ABTB3: variants seen among roughly 807,000 people sequenced by gnomAD.
ABTB3 encodes ankyrin repeat- and BTB/POZ domain-containing protein 3.
chr12:107,454,044 T>C, the ABTB3 span, among the ~76,000 whole-genome samples: 1 of 152,206 alleles, frequency 6.6e-6, no homozygotes, highest in Non-Finnish European at 1.5e-5. Flanking sequence ...TCTGCAAAAG[T>C]CTTGAAGGTG....
the ABTB3 span, among the ~76,000 whole-genome samples, chr12:107,418,129 G>C: frequency 6.6e-6 from 1 of 152,226 alleles, no homozygotes; most frequent in South Asian, 2.1e-4. Context: ...GGCTGGGAAA[G>C]GCAGACCCAC....
At chr12:107,527,447 T>C in the ABTB3 span, among the ~76,000 whole-genome samples, 1 of 152,186 alleles carries the variant, frequency 6.6e-6, no homozygotes, top group Non-Finnish European at 1.5e-5. Flanking sequence ...AATTTTTGTA[T>C]TTTTAGTAGA....
At chr12:107,486,137 T>C in the ABTB3 span, among the ~76,000 whole-genome samples, 1 of 152,162 alleles carries the variant, frequency 6.6e-6, no homozygotes, top group Admixed American at 6.5e-5. Flanking sequence ...GTTTGGGTCA[T>C]GGGGGCAGAT....
At chr12:107,426,441 T>C in the ABTB3 span, among the ~76,000 whole-genome samples, 1 of 152,124 alleles carries the variant, frequency 6.6e-6, no homozygotes, top group African/African-American at 2.4e-5. Context: ...TGGAGTGGGC[T>C]CCCTGGCTGC....
chr12:107,402,931 C>A, the ABTB3 span, among the ~76,000 whole-genome samples: 3 of 152,316 alleles, frequency 2.0e-5, no homozygotes, highest in South Asian at 4.1e-4. Context: ...CTTGTCCCCC[C>A]ACCCACCCCC....
chr12:107,407,186 T>C, the ABTB3 span, among the ~76,000 whole-genome samples: 1 of 152,196 alleles, frequency 6.6e-6, no homozygotes, highest in Non-Finnish European at 1.5e-5. Context: ...GGGCATAAAA[T>C]AGTCCCCAGC....
the ABTB3 span, among the ~76,000 whole-genome samples, chr12:107,469,870 C>CTTTCT: frequency 1.2e-5 from 1 of 80,258 alleles, no homozygotes; most frequent in Non-Finnish European, 2.5e-5. Context: ...TCTTTCTTTT[C>CTTTCT]TTTCTTTCTT....
the ABTB3 span, among the ~76,000 whole-genome samples, chr12:107,552,734 C>T: frequency 1.1e-4 from 16 of 152,296 alleles, no homozygotes; most frequent in Admixed American, 4.6e-4. Context: ...GCAGTGCCTC[C>T]GTGCCTTTAC....
At chr12:107,347,957 C>T in the ABTB3 span, among the ~76,000 whole-genome samples, 1 of 152,102 alleles carries the variant, frequency 6.6e-6, no homozygotes, top group East Asian at 1.9e-4. Flanking sequence ...GATGGAGGAA[C>T]AGGCTTGCCA....
the ABTB3 span, among the ~76,000 whole-genome samples, chr12:107,462,896 G>T: frequency 6.6e-6 from 1 of 151,646 alleles, no homozygotes; most frequent in Admixed American, 6.6e-5. Context: ...TGATGGTGGT[G>T]ATAGTAACAA....
the ABTB3 span, among the ~76,000 whole-genome samples, chr12:107,401,315 C>A: frequency 6.6e-6 from 1 of 152,228 alleles, no homozygotes; most frequent in Non-Finnish European, 1.5e-5. Context: ...AGCCGTATGA[C>A]TTATTTAGCT....
the ABTB3 span, among the ~76,000 whole-genome samples, chr12:107,618,882 C>T: frequency 3.2e-3 from 493 of 152,330 alleles, no homozygotes; most frequent in African/African-American, 0.011. Flanking sequence ...CCCTTTCTTA[C>T]CACAACTCCT....
the ABTB3 span, among the ~76,000 whole-genome samples, chr12:107,522,573 C>T: frequency 0.11 from 16,374 of 148,090 alleles, 944 homozygotes; most frequent in African/African-American, 0.14. Flanking sequence ...TTTTAATTGT[C>T]TCTCTCTCTC....
the ABTB3 span, among the ~76,000 whole-genome samples, chr12:107,405,435 T>C: frequency 6.6e-6 from 1 of 152,274 alleles, no homozygotes; most frequent in African/African-American, 2.4e-5. Context: ...CTGTTTTTAC[T>C]GACTTATATT....
the ABTB3 span, among the ~76,000 whole-genome samples, chr12:107,587,523 G>T: frequency 2.0e-5 from 3 of 152,150 alleles, no homozygotes; most frequent in East Asian, 5.8e-4. Context: ...GAGCAGGAAT[G>T]GGGGAGTGAG....
the ABTB3 span, among the ~76,000 whole-genome samples, chr12:107,373,946 G>A: frequency 1.3e-5 from 2 of 152,210 alleles, no homozygotes; most frequent in African/African-American, 4.8e-5. Context: ...CAGACAGCTC[G>A]GGACACGTTG....
At chr12:107,461,576 A>ACCCCGTTTGTGAGAATTTGTTACGGCAGC in the ABTB3 span, among the ~76,000 whole-genome samples, 8 of 151,970 alleles carry the variant, frequency 5.3e-5, no homozygotes, top group African/African-American at 1.9e-4. Flanking sequence ...GTTTTAAGCC[A>ACCCCGTTTGTGAGAATTTGTTACGGCAGC]CCCAGGAAAC....
chr12:107,603,896 G>T, the ABTB3 span, among the ~76,000 whole-genome samples: 1 of 152,262 alleles, frequency 6.6e-6, no homozygotes, highest in Admixed American at 6.5e-5. Flanking sequence ...AGGGCCGGGC[G>T]TGGTGGCTCA....
the ABTB3 span, among the ~76,000 whole-genome samples, chr12:107,354,735 A>G: frequency 3.9e-5 from 6 of 152,162 alleles, no homozygotes; most frequent in Admixed American, 1.3e-4. Flanking sequence ...GAGAGTTCCA[A>G]CTTCTCCACA....
Sources: gnomAD v4.1 joint callset for allele counts (sites outside exome capture counted in the v4.1 genomes callset) on GRCh38, gnomAD v4.1.1 for gene constraint, MANE v1.5 for transcripts, NCBI Gene and HGNC (gene_info 2026-07-23, HGNC 2026-07-21) for gene names.